Variants in IBA57 observed in about 807,000 individuals in gnomAD.
The protein encoded by IBA57 is iron-sulfur cluster assembly factor IBA57, mitochondrial.
A neutral mutation model predicts 20.4 loss-of-function variants in IBA57; 20 were observed. The ratio of observed to expected loss-of-function variants is 0.98; its 90% CI spans 0.69 to 1.42. The LOEUF is 1.42. Among genes scored for constraint, IBA57 ranks in the 40% most tolerant of loss-of-function variants. IBA57 has a pLI of 0.00. For missense variants in IBA57, 608 were observed against 499.3 expected (o/e 1.22, Z -2.07); for synonymous variants, 310 against 233.9 (o/e 1.33, Z -2.97).
In IBA57 at chr1:228,166,030, G is replaced by A; in HGVS notation, c.214G>A (p.Gly72Arg). The A allele has an allele frequency of 1.3e-6, 2 of 1,537,666 alleles. No homozygotes were observed. The highest frequency in any genetic ancestry group is 1.7e-6 in the Non-Finnish European group (2 of 1,148,010). ...RGPDAAPFLLGLLTNELPLPS... is the reference protein window; with the variant it reads ...RGPDAAPFLLRLLTNELPLPS... ...CCCCGACGCGGCGCCCTTCCTGCTA[G>A]GGCTGCTGACCAATGAACTGCCGCT... The change falls in exon 1 of 3, where the codon GGG becomes AGG. Residue 72 changes from glycine to arginine, a missense_variant. Coordinates refer to ENST00000366711, the MANE Select transcript of IBA57 (RefSeq NM_001010867.4).
At position 228,178,688 on chromosome 1, in the gene IBA57, G is replaced by C. The variant is rs1159376920; in HGVS notation, c.*3175G>C. 1 of 152,244 alleles carries C rather than the reference G, an allele frequency of 6.6e-6. No homozygotes were observed. The highest frequency in any genetic ancestry group is 1.5e-5 in the Non-Finnish European group (1 of 68,074). The allele number at this position is 152,244 out of a possible 1,614,324, so 9.4% of individuals were successfully genotyped here. On this transcript the variant is annotated 3_prime_UTR_variant, in exon 3 of 3. Coordinates refer to ENST00000366711, the MANE Select transcript of IBA57 (RefSeq NM_001010867.4). The stretch of plus-strand genomic sequence containing the variant: ...AAACCCACCTCCAAATCAGGCCTTA[G>C]ATAGAAAACATCCTAAGAAGTATAC...
Position 228,175,195 on chromosome 1 carries a change from C to CG in IBA57, c.755dup (p.Val253ArgfsTer85), listed in dbSNP as rs1265515081. 1.2e-6 allele frequency: 2 copies of CG among 1,612,772 alleles called. No homozygotes were observed. The highest frequency in any genetic ancestry group is 1.7e-6 in the Non-Finnish European group (2 of 1,179,964). On this transcript the variant is annotated frameshift_variant, in exon 3 of 3. Transcript: ENST00000366711. LOFTEE classifies it low-confidence loss of function (END_TRUNC). Reference sequence around the variant, plus strand: ...TGGAGTCCAACCTGGCCTTCATGAACGGCGTGAGCTTCACCAAAGGCTGCT... The same window carrying CG: ...TGGAGTCCAACCTGGCCTTCATGAACGGGCGTGAGCTTCACCAAAGGCTGCT...
chr1:228,170,060 G>A lies in IBA57; in HGVS notation c.341+3903G>A, dbSNP rs2034901703. ...TTTTGTATCTTTTTTTAGTAGAGAC[G>A]GGGTTTCACCATGTTGGTCAGGCTG... On this transcript the variant is annotated intron_variant, in intron 1 of 2. Coordinates refer to ENST00000366711, the MANE Select transcript of IBA57 (RefSeq NM_001010867.4). This position sits in a 1 kb window ranked among gnomAD's most constrained non-coding sequence, Gnocchi z 4.8. 6.6e-6 allele frequency among the ~76,000 whole-genome samples: 1 copy of A among 152,080 alleles called. No homozygotes were observed.
intron 1 of IBA57, among the ~76,000 whole-genome samples, chr1:228,173,986 C>A (rs555794656): frequency 2.0e-4 from 30 of 152,360 alleles, no homozygotes; most frequent in African/African-American, 7.0e-4. Context: ...CAGGTGTACC[C>A]TGCCTGGCCT....
intron 1 of IBA57, among the ~76,000 whole-genome samples, chr1:228,166,666 C>T (rs1414755553): frequency 6.6e-6 from 1 of 152,206 alleles, no homozygotes; most frequent in Non-Finnish European, 1.5e-5. Context: ...CCTGTGTCTC[C>T]CCATAGCTGG....
intron 1 of IBA57, among the ~76,000 whole-genome samples, chr1:228,167,461 A>G (rs1014820961): frequency 1.3e-5 from 2 of 150,404 alleles, no homozygotes; most frequent in Non-Finnish European, 2.9e-5. Context: ...GGTTCAAGAG[A>G]TTCTCCCGCC....
rs891977139 is a variant in IBA57, at chr1:228,177,323, G to A, written c.*1810G>A. 2 of 152,142 alleles carry A rather than the reference G, an allele frequency of 1.3e-5. No individual in the cohort carries two copies. The highest frequency in any genetic ancestry group is 6.5e-5 in the Admixed American group (1 of 15,272). 9.4% of individuals were successfully genotyped at this position (152,142 alleles called of 1,614,324 possible). On this transcript the variant is annotated 3_prime_UTR_variant, in exon 3 of 3. Transcript: ENST00000366711. ...CCTAGCCTGTCCCGTGGGTGTGGCT[G>A]GGTGAGGGCTAGGAGGTGAGCCAGG...
rs202032823 is a variant in IBA57, at chr1:228,175,348, C to G, written c.906C>G (p.Ala302=). 4.3e-6 allele frequency: 7 copies of G among 1,612,882 alleles called. No individual in the cohort carries two copies. Among genetic ancestry groups the G allele is most frequent in the Non-Finnish European group, 5.9e-6 (7 of 1,179,992 alleles). ...GITPGATVLT[A]SGQTVGKFRA... ...CCCCTGGTGCCACGGTGCTGACTGC[C>G]TCAGGACAGACTGTGGGCAAGTTCA... Residue 302 remains alanine, a synonymous_variant, in exon 3 of 3, where the codon GCC becomes GCG. Transcript: ENST00000366711.
chr1:228,169,798 T>C (rs1455609721), intron 1 of IBA57, among the ~76,000 whole-genome samples: 1 of 152,244 alleles, frequency 6.6e-6, no homozygotes, highest in Non-Finnish European at 1.5e-5. Flanking sequence ...ATCTGTAGCC[T>C]CTTCACATTG....
At chr1:228,166,183 G>A in intron 1 of IBA57, 26 bp downstream of exon 1, 2 of 1,408,940 alleles carry the variant, frequency 1.4e-6, no homozygotes. Context: ...GAGGGCGCTC[G>A]GGGGCGGGCA....
In IBA57 at chr1:228,174,746, G is replaced by A. The variant is rs1343479298; in HGVS notation, c.396G>A (p.Val132=). Residue 132 remains valine (V), a synonymous_variant, in exon 2 of 3, where the codon GTG becomes GTA. Coordinates refer to ENST00000366711, the MANE Select transcript of IBA57 (RefSeq NM_001010867.4). Reference sequence around the variant, plus strand: ...TCCTTCTGGAGTGTGACAGCTCGGTGCAGGGCGCGCTGCAGAAGCACCTCG... The same window carrying A: ...TCCTTCTGGAGTGTGACAGCTCGGTACAGGGCGCGCTGCAGAAGCACCTCG... ...SGFLLECDSS[V]QGALQKHLAL... The A allele has an allele frequency of 5.6e-6, 9 of 1,605,418 alleles. No individual in the cohort carries two copies. In the African/African-American group the frequency reaches 1.2e-4, roughly 21 times the overall value.
chr1:228,175,397 C>T lies in IBA57; in HGVS notation c.955C>T (p.Leu319=), dbSNP rs186655921. 9 of 1,612,786 alleles carry T rather than the reference C, an allele frequency of 5.6e-6. No individual in the cohort carries two copies. The African/African-American group carries it at 6.7e-5, about 12-fold the overall frequency. ...KFRAGQGNVG[L]ALLWSEKIKG... Reference sequence around the variant, plus strand: ...CAGGGCTGGCCAGGGCAACGTGGGGCTGGCCCTGCTGTGGTCAGAGAAGAT... The same window carrying T: ...CAGGGCTGGCCAGGGCAACGTGGGGTTGGCCCTGCTGTGGTCAGAGAAGAT... Residue 319 remains leucine (L), a synonymous_variant, in exon 3 of 3, where the codon CTG becomes TTG. Transcript: ENST00000366711.
Position 228,180,930 on chromosome 1 carries a change from A to T in IBA57, c.*5417A>T, listed in dbSNP as rs2035100555. The T allele has an allele frequency of 6.6e-6, 1 of 151,248 alleles. No homozygotes were observed. The highest frequency in any genetic ancestry group is 1.5e-5 in the Non-Finnish European group (1 of 67,902). 9.4% of individuals were successfully genotyped at this position (151,248 alleles called of 1,614,324 possible). On this transcript the variant is annotated 3_prime_UTR_variant, in exon 3 of 3. Coordinates refer to ENST00000366711, the MANE Select transcript of IBA57 (RefSeq NM_001010867.4). ...CACCTCAGCCTCCTGAGTAGCTGGG[A>T]CCACAGGTGCATGCTAATTTTTAAA... is the stretch of plus-strand genomic sequence containing the variant.
At position 228,175,561 on chromosome 1, in the gene IBA57, G is replaced by T. The variant is rs1432453521; in HGVS notation, c.*48G>T. 6.6e-7 allele frequency: 1 copy of T among 1,517,480 alleles called. No individual in the cohort carries two copies. The highest frequency in any genetic ancestry group is 1.3e-5 in the South Asian group (1 of 75,750). The allele number at this position is 1,517,480 out of a possible 1,614,324, so 94.0% of individuals were successfully genotyped here. The stretch of plus-strand genomic sequence containing the variant: ...GCTGATGGGGAGGCTGGGGCCTGGG[G>T]CCTTTGGCCTCTGTCCAGGGTCTTC... On this transcript the variant is annotated 3_prime_UTR_variant, in exon 3 of 3. Coordinates refer to ENST00000366711, the MANE Select transcript of IBA57 (RefSeq NM_001010867.4).
chr1:228,168,088 G>C (rs147861081), intron 1 of IBA57, among the ~76,000 whole-genome samples: 1 of 152,120 alleles, frequency 6.6e-6, no homozygotes, highest in African/African-American at 2.4e-5. Flanking sequence ...TCACTTATGC[G>C]TGGATTTTCC....
At position 228,174,680 on chromosome 1, in the gene IBA57, C is replaced by T. The variant is rs2034979118; in HGVS notation, c.342-12C>T. On this transcript the variant is annotated splice_polypyrimidine_tract_variant and intron_variant, in intron 1 of 2. Coordinates refer to ENST00000366711, the MANE Select transcript of IBA57 (RefSeq NM_001010867.4). ...GGTGAGCTGCCATGCGCCCCTGCCT[C>T]TCTCCCTGCAGGCTCCAGGAACACT... 2.6e-6 allele frequency: 4 copies of T among 1,529,712 alleles called. No homozygotes were observed. The highest frequency in any genetic ancestry group is 3.5e-6 in the Non-Finnish European group (4 of 1,140,282). The allele number at this position is 1,529,712 out of a possible 1,614,324, so 94.8% of individuals were successfully genotyped here. A position where few individuals can be genotyped will look rare whatever the true frequency, so the allele number is the denominator to read the frequency against.
Position 228,175,673 on chromosome 1 carries a change from C to A in IBA57, c.*160C>A. The A allele has an allele frequency of 1.1e-6, 1 of 933,596 alleles. No individual in the cohort carries two copies. Among genetic ancestry groups the A allele is most frequent in the Non-Finnish European group, 1.5e-6 (1 of 665,586 alleles). 57.8% of individuals were successfully genotyped at this position (933,596 alleles called of 1,614,324 possible). ...CCCTTGTAGGTGCCCTGCCTGGCCCCACCCATGCTCAGGGGCCCCAGGCAC... is the reference window on the plus strand; with the variant it reads ...CCCTTGTAGGTGCCCTGCCTGGCCCAACCCATGCTCAGGGGCCCCAGGCAC... On this transcript the variant is annotated 3_prime_UTR_variant, in exon 3 of 3. Coordinates refer to ENST00000366711, the MANE Select transcript of IBA57 (RefSeq NM_001010867.4).
In IBA57 at chr1:228,170,624, G is replaced by C. The variant is rs1451986549; in HGVS notation, c.342-4068G>C. Reference sequence around the variant, plus strand: ...GGGTCCCTTTCTATCAGTTGGTTTTGATCTCTCTTCATGTAGGAGGCAGAG... The same window carrying C: ...GGGTCCCTTTCTATCAGTTGGTTTTCATCTCTCTTCATGTAGGAGGCAGAG... On this transcript the variant is annotated intron_variant, in intron 1 of 2. Coordinates refer to ENST00000366711, the MANE Select transcript of IBA57 (RefSeq NM_001010867.4). The surrounding 1 kb of genome is among the most constrained non-coding windows in gnomAD (Gnocchi z 4.8). 6.6e-6 allele frequency among the ~76,000 whole-genome samples: 1 copy of C among 152,188 alleles called. No individual in the cohort carries two copies. Among genetic ancestry groups the C allele is most frequent in the Non-Finnish European group, 1.5e-5 (1 of 68,028 alleles).
At position 228,175,381 on chromosome 1, in the gene IBA57, C is replaced by T. The variant is rs757520958; in HGVS notation, c.939C>T (p.Gly313=). The part of the protein sequence containing the change: ...SGQTVGKFRA[G]QGNVGLALLW... ...AGACTGTGGGCAAGTTCAGGGCTGGCCAGGGCAACGTGGGGCTGGCCCTGC... is the reference window on the plus strand; with the variant it reads ...AGACTGTGGGCAAGTTCAGGGCTGGTCAGGGCAACGTGGGGCTGGCCCTGC... The change falls in exon 3 of 3, where the codon GGC becomes GGT. Residue 313 remains glycine (G), a synonymous_variant. Transcript: ENST00000366711. 6.2e-7 allele frequency: 1 copy of T among 1,612,964 alleles called. No individual in the cohort carries two copies. The highest frequency in any genetic ancestry group is 1.3e-5 in the African/African-American group (1 of 75,052).
Sources: allele counts gnomAD v4.1 joint callset (sites outside exome capture counted in the v4.1 genomes callset), GRCh38; gene constraint gnomAD v4.1.1; non-coding constraint Gnocchi (gnomAD v3.1); transcripts MANE v1.5; gene names NCBI Gene and HGNC (gene_info 2026-07-23, HGNC 2026-07-21).